Variants in SDK2 observed in about 807,000 individuals in gnomAD.
The protein encoded by SDK2 is sidekick cell adhesion molecule 2.
In SDK2, 105 loss-of-function variants were observed where a neutral mutation model predicts 253.9. The ratio of observed to expected loss-of-function variants is 0.41; its 90% confidence interval spans 0.35 to 0.49. The LOEUF (loss-of-function observed/expected upper bound fraction) is 0.49. SDK2 is among the 20% of genes least tolerant of loss of function. The pLI is 0.06. For missense variants in SDK2, 2,608 were observed against 3,003.0 expected (o/e 0.87, Z 3.07); for synonymous variants, 1,249 against 1,234.9 (o/e 1.01, Z -0.24).
intron 1 of SDK2, among the ~76,000 whole-genome samples, chr17:73,580,511 G>A (rs2045520101): frequency 6.6e-6 from 1 of 152,372 alleles, no homozygotes; most frequent in Non-Finnish European, 1.5e-5. Context: ...CCGACCCAGG[G>A]CCAGCTTCAT....
chr17:73,478,881 C>T (rs886304228), intron 2 of SDK2, among the ~76,000 whole-genome samples: 2 of 152,250 alleles, frequency 1.3e-5, no homozygotes, highest in Non-Finnish European at 2.9e-5. Context: ...GAGATGCACG[C>T]GGTGATGCTC....
rs1335250589 is a variant in SDK2 at position 73,338,622 on chromosome 17, G to A, written c.6484C>T (p.Arg2162Trp). The A allele has an allele frequency of 3.9e-6, 6 of 1,529,922 alleles. No individual in the cohort carries two copies. Among genetic ancestry groups the A allele is most frequent in the African/African-American group, 2.8e-5 (2 of 72,042 alleles). 94.8% of individuals were successfully genotyped at this position (1,529,922 alleles called of 1,614,324 possible). Residue 2162 changes from arginine (R) to tryptophan (W), a missense_variant, in exon 45 of 45, where the codon CGG (arginine) becomes TGG (tryptophan). Transcript: ENST00000392650. This position sits in a 1 kb window ranked among gnomAD's most constrained non-coding sequence, Gnocchi z 5.0. ...RPPSSLAPGSRAPIAGFSSFV is the reference protein window; with the variant it reads ...RPPSSLAPGSWAPIAGFSSFV ...GATGAAAATCCTGCTATGGGAGCCC[G>A]GGAGCCTGGGGCCAGGCTGCTGGGG... is the stretch of plus-strand genomic sequence containing the variant.
intron 1 of SDK2, among the ~76,000 whole-genome samples, chr17:73,536,743 G>C (rs975229409): frequency 5.3e-5 from 8 of 152,208 alleles, no homozygotes. Flanking sequence ...GCCATGCTGG[G>C]GGCAGGTGAC....
At chr17:73,410,396 G>A (rs529862631) in intron 18 of SDK2, among the ~76,000 whole-genome samples, 3 of 152,200 alleles carry the variant, frequency 2.0e-5, no homozygotes, top group Admixed American at 6.5e-5. Flanking sequence ...TCACTGCAAT[G>A]TCCGCCTCCT....
At chr17:73,422,475 TGGG>T in intron 14 of SDK2, 41 bp from the exon 15 acceptor site, 1 of 1,601,036 alleles carries the variant, frequency 6.2e-7, no homozygotes, top group Non-Finnish European at 8.6e-7. Context: ...GTATCTTGGG[TGGG>T]ATGAAGCATG....
rs1187693877 is a variant in SDK2 at position 73,368,430 on chromosome 17, G to GT, written c.5143dup (p.Thr1715AsnfsTer20). ...ACCTGCTTGCTGGGTCTGGCCTTGG[G>GT]TGGGGGTGCTCCGAGGCCCATCCCC... On this transcript the variant is annotated frameshift_variant, in exon 37 of 45. Transcript: ENST00000392650. LOFTEE classifies it high-confidence loss of function. The GT allele has an allele frequency of 6.3e-7, 1 of 1,588,394 alleles. No individual in the cohort carries two copies. Among genetic ancestry groups the GT allele is most frequent in the Non-Finnish European group, 8.6e-7 (1 of 1,167,884 alleles).
At chr17:73,497,572 C>A (rs1365313135) in intron 2 of SDK2, among the ~76,000 whole-genome samples, 3 of 152,058 alleles carry the variant, frequency 2.0e-5, no homozygotes, top group Non-Finnish European at 4.4e-5. Context: ...CACCTCAATG[C>A]CCATCTTCCT....
chr17:73,390,466 T>C lies in SDK2; in HGVS notation c.4013A>G (p.His1338Arg). ...NGIILAYQIT[H>R]RLNTTTANTA... is the part of the protein sequence containing the mutation. ...GTTGGCCGTGGTGGTGTTGAGCCGG[T>C]GTGTGATCTGGTAAGCTGTGGGAAG... Residue 1338 changes from histidine to arginine, a missense_variant, in exon 29 of 45, where the codon CAC becomes CGC. His to Arg is a conservative substitution (Grantham distance 29, BLOSUM62 0). Transcript: ENST00000392650. 2 of 1,611,722 alleles carry C rather than the reference T, an allele frequency of 1.2e-6. No individual in the cohort carries two copies. Among genetic ancestry groups the C allele is most frequent in the Non-Finnish European group, 1.7e-6 (2 of 1,178,842 alleles).
intron 1 of SDK2, among the ~76,000 whole-genome samples, chr17:73,538,670 G>A (rs545398130): frequency 6.6e-6 from 1 of 152,322 alleles, no homozygotes; most frequent in African/African-American, 2.4e-5. Context: ...AAGCTCTGGA[G>A]AAACATCATG....
chr17:73,487,357 C>T (rs1036392291), intron 2 of SDK2, among the ~76,000 whole-genome samples: 1 of 152,206 alleles, frequency 6.6e-6, no homozygotes, highest in Non-Finnish European at 1.5e-5. Flanking sequence ...TGGGGCTCTT[C>T]CAGGAAGCTG....
chr17:73,361,246 T>C lies in SDK2; in HGVS notation c.5467+438A>G, dbSNP rs559359724. Among the ~76,000 whole-genome samples the C allele has an allele frequency of 9.7e-4, 148 of 152,258 alleles. No homozygotes were observed. Among genetic ancestry groups the C allele is most frequent in the African/African-American group, 3.5e-3 (144 of 41,556 alleles). Reference sequence around the variant, plus strand: ...TGGGAACGTGCATTTTAGTGCGCCCTGCTCTGAGAACCGCTGCCTGGAGGG... The same window carrying C: ...TGGGAACGTGCATTTTAGTGCGCCCCGCTCTGAGAACCGCTGCCTGGAGGG... On this transcript the variant is annotated intron_variant, in intron 39 of 44. Transcript: ENST00000392650. The surrounding 1 kb of genome is among the most constrained non-coding windows in gnomAD (Gnocchi z 4.1).
chr17:73,603,380 C>T (rs1047779091), intron 1 of SDK2, among the ~76,000 whole-genome samples: 2 of 152,182 alleles, frequency 1.3e-5, no homozygotes, highest in Middle Eastern at 3.2e-3. Context: ...TCATACTGAC[C>T]GCCAATGTCC....
chr17:73,424,060 C>A lies in SDK2; in HGVS notation c.1616G>T (p.Gly539Val). ...YIWEKDGATLGTESHPRIRLD... is the reference protein window; with the variant it reads ...YIWEKDGATLVTESHPRIRLD... Reference sequence around the variant, plus strand: ...GCGGATACGAGGATGGCTCTCCGTGCCCAGGGTGGCCCCGTCCTTCTCCCA... The same window carrying A: ...GCGGATACGAGGATGGCTCTCCGTGACCAGGGTGGCCCCGTCCTTCTCCCA... Residue 539 changes from glycine to valine, a missense_variant, in exon 13 of 45, where the codon GGC (glycine) becomes GTC (valine). Gly to Val is a moderately radical substitution (Grantham distance 109). This residue lies in a region of SDK2 where 1,505 missense variants were observed against 1,859.1 expected (regional missense o/e 0.81). Transcript: ENST00000392650. 6.2e-7 allele frequency: 1 copy of A among 1,612,800 alleles called. No individual in the cohort carries two copies. The highest frequency in any genetic ancestry group is 8.5e-7 in the Non-Finnish European group (1 of 1,179,656).
intron 2 of SDK2, among the ~76,000 whole-genome samples, chr17:73,476,504 A>G (rs1042369244): frequency 2.0e-5 from 3 of 152,258 alleles, no homozygotes; most frequent in African/African-American, 7.2e-5. Flanking sequence ...TTGTGCACAT[A>G]ATTTAAGCAT....
chr17:73,469,992 G>GCGCGCGCA (rs1328450219), intron 3 of SDK2, among the ~76,000 whole-genome samples: 255 of 126,258 alleles, frequency 2.0e-3, no homozygotes, highest in Middle Eastern at 4.4e-3. Context: ...GCGCGCGCGC[G>GCGCGCGCA]CACACACACA....
intron 18 of SDK2, among the ~76,000 whole-genome samples, chr17:73,414,051 C>CTTT (rs767123645): frequency 7.0e-6 from 1 of 143,700 alleles, no homozygotes. Context: ...TCTCTCTCTT[C>CTTT]TTTTTTTTTT....
chr17:73,521,877 G>C (rs188234247), intron 1 of SDK2, among the ~76,000 whole-genome samples: 86 of 152,290 alleles, frequency 5.6e-4, no homozygotes, highest in African/African-American at 2.0e-3. Flanking sequence ...AAAACCCGGG[G>C]ACACTTTGCC....
At chr17:73,523,534 G>A (rs2064100836) in intron 1 of SDK2, among the ~76,000 whole-genome samples, 1 of 151,906 alleles carries the variant, frequency 6.6e-6, no homozygotes, top group Admixed American at 6.6e-5. Context: ...GAAGACAGGT[G>A]AAGATGGGAA....
chr17:73,447,655 C>T lies in SDK2; in HGVS notation c.573G>A (p.Gly191=). ...YYVQAVNDKN[G]DNKTSQPITL... The stretch of plus-strand genomic sequence containing the variant: ...TGATGGGCTGGCTGGTCTTGTTATC[C>T]CCGTTTTTGTCGTTAACAGCCTGCA... The change falls in exon 5 of 45, where the codon GGG becomes GGA. Residue 191 remains glycine (G), a synonymous_variant. Coordinates refer to ENST00000392650, the MANE Select transcript of SDK2 (RefSeq NM_001144952.2). The surrounding 1 kb of genome is among the most constrained non-coding windows in gnomAD (Gnocchi z 4.0). 1 of 1,551,768 alleles carries T rather than the reference C, an allele frequency of 6.4e-7. No homozygotes were observed. The highest frequency in any genetic ancestry group is 8.7e-7 in the Non-Finnish European group (1 of 1,147,036).
Sources: gnomAD v4.1 joint callset for allele counts (sites outside exome capture counted in the v4.1 genomes callset) on GRCh38, gnomAD v4.1.1 for gene constraint, gnomAD v4.1.1 regional missense constraint, Gnocchi (gnomAD v3.1) non-coding constraint, MANE v1.5 for transcripts, NCBI Gene and HGNC (gene_info 2026-07-23, HGNC 2026-07-21) for gene names.